Variants in APP observed in about 807,000 individuals in gnomAD.
The protein encoded by APP is amyloid beta precursor protein.
A neutral mutation model predicts 101.4 loss-of-function variants in APP; 31 were observed. That is an observed-to-expected ratio of 0.31 (90% confidence interval 0.23 to 0.41). The LOEUF is 0.41. Among genes scored for constraint, APP ranks in the 10% least tolerant of loss-of-function variants. The probability of loss-of-function intolerance (pLI) is 1.00; values close to 1 mark genes in which losing one functional copy is unlikely to be tolerated. For synonymous variants in APP, 366 were observed against 364.4 expected, an observed-to-expected ratio of 1.00 and a Z score of -0.05; for missense variants, 839 against 1,003.7, an observed-to-expected ratio of 0.84 and a Z score of 2.22.
intron 13 of APP, among the ~76,000 whole-genome samples, chr21:25,948,822 CA>C (rs5843184): frequency 6.6e-6 from 1 of 152,068 alleles, no homozygotes; most frequent in Non-Finnish European, 1.5e-5. Flanking sequence ...AAGAAAACAC[CA>C]ATCATTTTTA....
intron 2 of APP, among the ~76,000 whole-genome samples, chr21:26,093,507 A>G (rs2061871285): frequency 6.6e-6 from 1 of 152,206 alleles, no homozygotes; most frequent in Non-Finnish European, 1.5e-5. Context: ...GGAGAAAAGG[A>G]TCTCTTTTTC....
chr21:25,988,634 G>A (rs2042731174), intron 8 of APP, among the ~76,000 whole-genome samples: 1 of 150,504 alleles, frequency 6.6e-6, no homozygotes, highest in Non-Finnish European at 1.5e-5. Context: ...CCCGGGAGGC[G>A]GAAGTTGTGG....
chr21:26,058,159 C>T (rs532111764), intron 3 of APP, among the ~76,000 whole-genome samples: 1 of 152,292 alleles, frequency 6.6e-6, no homozygotes, highest in Admixed American at 6.5e-5. Context: ...GTTTTATGGT[C>T]ACAGAAATTC....
chr21:26,071,169 T>C (rs943106625), intron 3 of APP, among the ~76,000 whole-genome samples: 4 of 152,174 alleles, frequency 2.6e-5, no homozygotes, highest in Non-Finnish European at 5.9e-5. Flanking sequence ...AGGCATCAAA[T>C]GAAAGTGCAC....
intron 7 of APP, among the ~76,000 whole-genome samples, chr21:25,999,713 CA>C (rs1187350940): frequency 6.6e-6 from 1 of 152,178 alleles, no homozygotes; most frequent in Non-Finnish European, 1.5e-5. Flanking sequence ...GAAGACAAAA[CA>C]GCCACTCCAG....
chr21:25,902,861 CTTTCAAACCTAGAAAGAA>C (rs1429876299), intron 15 of APP, among the ~76,000 whole-genome samples: 1 of 152,144 alleles, frequency 6.6e-6, no homozygotes, highest in African/African-American at 2.4e-5. Context: ...CGTTTAATTT[CTTTCAAACCTAGAAAGAA>C]TTTAGTGGAT....
At chr21:26,006,469 G>A (rs1369634742) in intron 6 of APP, among the ~76,000 whole-genome samples, 1 of 152,160 alleles carries the variant, frequency 6.6e-6, no homozygotes, top group African/African-American at 2.4e-5. Flanking sequence ...TTGTAAGGTA[G>A]GCCCTTGCTG....
At chr21:26,104,493 A>G (rs45623839) in intron 2 of APP, among the ~76,000 whole-genome samples, 155 of 152,378 alleles carry the variant, frequency 1.0e-3, no homozygotes, top group African/African-American at 3.6e-3. Flanking sequence ...AATTTAAACC[A>G]TAAGATCCAA....
Position 26,112,007 on chromosome 21 carries a change from T to C in APP, c.197A>G (p.Lys66Arg), listed in dbSNP as rs1358123055. ...PSGTKTCIDT[K>R]EGILQYCQEV... is the part of the protein sequence containing the mutation. ...TTGGCAATACTGCAGGATGCCTTCC[T>C]TGGTATCAATGCAGGTTTTGGTCCC... Residue 66 changes from lysine (K) to arginine (R), a missense_variant, in exon 2 of 18, where the codon AAG becomes AGG. Transcript: ENST00000346798. 3 of 1,614,032 alleles carry C rather than the reference T, an allele frequency of 1.9e-6. No homozygotes were observed. Among genetic ancestry groups the C allele is most frequent in the African/African-American group, 1.3e-5 (1 of 74,908 alleles).
intron 6 of APP, among the ~76,000 whole-genome samples, chr21:26,009,084 G>A (rs952484818): frequency 1.3e-5 from 2 of 152,306 alleles, no homozygotes; most frequent in East Asian, 3.9e-4. Flanking sequence ...GAAGCAGCAT[G>A]ATCAACCTTA....
intron 1 of APP, among the ~76,000 whole-genome samples, chr21:26,169,941 ACGCCGG>A (rs2063705681): frequency 6.6e-6 from 1 of 152,176 alleles, no homozygotes; most frequent in South Asian, 2.1e-4. Context: ...CGCGACCCCG[ACGCCGG>A]CTCGGGCTAG....
chr21:26,100,022 A>G (rs1322231516), intron 2 of APP, among the ~76,000 whole-genome samples: 1 of 152,208 alleles, frequency 6.6e-6, no homozygotes, highest in Non-Finnish European at 1.5e-5. Context: ...TAGATAAGCT[A>G]TTCTAATTTC....
intron 6 of APP, among the ~76,000 whole-genome samples, chr21:26,020,960 C>T (rs1355209844): frequency 2.6e-5 from 4 of 151,902 alleles, no homozygotes; most frequent in East Asian, 1.9e-4. Context: ...AAAGCACTGC[C>T]GTACTTCCCA....
intron 16 of APP, among the ~76,000 whole-genome samples, chr21:25,893,576 C>A (rs1387644277): frequency 6.6e-6 from 1 of 152,170 alleles, no homozygotes; most frequent in Non-Finnish European, 1.5e-5. Context: ...AAACCAACCA[C>A]AACATTCTCT....
rs541142950 is a variant in APP, at chr21:25,918,749, G to A, written c.1688-6787C>T. The stretch of plus-strand genomic sequence containing the variant: ...GGTCCTACGCCCACGGAATCGCGCT[G>A]ATTGCTAGCACAGCAGTCTGAGATC... On this transcript the variant is annotated intron_variant, in intron 13 of 17. Coordinates refer to ENST00000346798, the MANE Select transcript of APP (RefSeq NM_000484.4). Among the ~76,000 whole-genome samples the A allele has an allele frequency of 4.1e-3, 625 of 151,190 alleles. 9 individuals are homozygous for A. The highest frequency in any genetic ancestry group is 6.9e-3 in the Non-Finnish European group (472 of 67,914).
intron 13 of APP, among the ~76,000 whole-genome samples, chr21:25,912,988 C>G (rs2039159568): frequency 6.6e-6 from 1 of 152,136 alleles, no homozygotes; most frequent in South Asian, 2.1e-4. Context: ...ATTTGATTAA[C>G]CAAAATGTCT....
chr21:26,089,818 T>G, intron 3 of APP, 125 bp downstream of exon 3: 1 of 1,453,962 alleles, frequency 6.9e-7, no homozygotes, highest in East Asian at 2.3e-5. Context: ...CAAAACACAG[T>G]ACAACACAGA....
chr21:26,098,237 A>C (rs2061989870), intron 2 of APP, among the ~76,000 whole-genome samples: 1 of 150,726 alleles, frequency 6.6e-6, no homozygotes, highest in African/African-American at 2.4e-5. Context: ...CGGTAGCCTA[A>C]GTAGTTTTGT....
At position 25,933,321 on chromosome 21, in the gene APP, T is replaced by C. The variant is rs141900417; in HGVS notation, c.1687+21269A>G. ...TCTCACTATGATGCCCTGGCTAGTCTTGAATTGCTGGGGTCAAGTGATTTT... is the reference window on the plus strand; with the variant it reads ...TCTCACTATGATGCCCTGGCTAGTCCTGAATTGCTGGGGTCAAGTGATTTT... On this transcript the variant is annotated intron_variant, in intron 13 of 17. Coordinates refer to ENST00000346798, the MANE Select transcript of APP (RefSeq NM_000484.4). 3.3e-5 allele frequency among the ~76,000 whole-genome samples: 5 copies of C among 152,332 alleles called. No individual in the cohort carries two copies. In the East Asian group the frequency reaches 9.6e-4, roughly 29 times the overall value.
Sources: gnomAD v4.1 joint callset for allele counts (sites outside exome capture counted in the v4.1 genomes callset) on GRCh38, gnomAD v4.1.1 for gene constraint, MANE v1.5 for transcripts, NCBI Gene and HGNC (gene_info 2026-07-23, HGNC 2026-07-21) for gene names.